Variants in MAP3K4 observed in about 807,000 individuals in gnomAD.
MAP3K4 encodes the protein MAP three kinase 1.
A neutral mutation model predicts 185.6 loss-of-function variants in MAP3K4; 67 were observed. The observed-to-expected ratio is 0.36, with a 90% CI of 0.30 to 0.44. The LOEUF (loss-of-function observed/expected upper bound fraction) is 0.44, where lower values mean the gene tolerates loss of function less well. MAP3K4 is among the 20% of genes least tolerant of loss of function. The pLI is 1.00. For missense variants in MAP3K4, 1,551 were observed against 1,995.1 expected, an observed-to-expected ratio of 0.78 and a Z score of 4.24; for synonymous variants, 702 against 710.4, an observed-to-expected ratio of 0.99 and a Z score of 0.19.
chr6:161,029,367 G>A (rs1389820632), intron 1 of MAP3K4, among the ~76,000 whole-genome samples: 1 of 152,166 alleles, frequency 6.6e-6, no homozygotes, highest in Non-Finnish European at 1.5e-5. Context: ...TACCTAATAT[G>A]TCAGAGCAGA....
rs376054327 is a variant in MAP3K4 at position 161,098,452 on chromosome 6, G to A, written c.3674+25G>A. 4.0e-5 allele frequency: 64 copies of A among 1,600,058 alleles called. No individual in the cohort carries two copies. The highest frequency in any genetic ancestry group is 1.7e-4 in the Middle Eastern group (1 of 6,030). On this transcript the variant is annotated intron_variant, in intron 17 of 26. Coordinates refer to ENST00000392142, the MANE Select transcript of MAP3K4 (RefSeq NM_005922.4). The surrounding 1 kb of genome is among the most constrained non-coding windows in gnomAD (Gnocchi z 4.4). ...GGTAGTCTCACCCCACCAGTGTCCC[G>A]TACCCTCACCACCCCTTACATGCGC...
Position 161,110,360 on chromosome 6 carries a change from T to C in MAP3K4, c.4396+446T>C, listed in dbSNP as rs1042777342. Among the ~76,000 whole-genome samples, 11 of 152,188 alleles carry C rather than the reference T, an allele frequency of 7.2e-5. No homozygotes were observed. The highest frequency in any genetic ancestry group is 1.0e-4 in the Non-Finnish European group (7 of 68,044). ...GTTTTTGAGACAAGAATGGGGTTTG[T>C]TTACACAAACCTTGAAATTGAGTTC... On this transcript the variant is annotated intron_variant, in intron 23 of 26. Transcript: ENST00000392142. This position sits in a 1 kb window ranked among gnomAD's most constrained non-coding sequence, Gnocchi z 4.8.
intron 1 of MAP3K4, among the ~76,000 whole-genome samples, chr6:160,995,576 A>C (rs1441583067): frequency 6.6e-6 from 1 of 152,250 alleles, no homozygotes; most frequent in Non-Finnish European, 1.5e-5. Context: ...ATAGTACTCT[A>C]TTCCAGTTTT....
chr6:161,012,579 C>T (rs1407159238), intron 1 of MAP3K4, among the ~76,000 whole-genome samples: 1 of 152,208 alleles, frequency 6.6e-6, no homozygotes, highest in East Asian at 1.9e-4. Flanking sequence ...TTACAACGAA[C>T]TTATAAAATA....
chr6:161,039,906 G>A (rs992923372), intron 2 of MAP3K4, among the ~76,000 whole-genome samples: 1 of 152,132 alleles, frequency 6.6e-6, no homozygotes, highest in African/African-American at 2.4e-5. Flanking sequence ...TCCCTATAGT[G>A]TGTTTCCATA....
Position 161,086,794 on chromosome 6 carries a change from G to A in MAP3K4, c.2556+127G>A. ...CTCTGAAGGCTGTACCACAACCCCAGTTGTAAGACTGTCCTGTAATTCACC... is the reference window on the plus strand; with the variant it reads ...CTCTGAAGGCTGTACCACAACCCCAATTGTAAGACTGTCCTGTAATTCACC... On this transcript the variant is annotated intron_variant, in intron 9 of 26. Coordinates refer to ENST00000392142, the MANE Select transcript of MAP3K4 (RefSeq NM_005922.4). The surrounding 1 kb of genome is among the most constrained non-coding windows in gnomAD (Gnocchi z 4.8). The A allele has an allele frequency of 1.5e-6, 1 of 651,826 alleles. No individual in the cohort carries two copies. The allele number at this position is 651,826 out of a possible 1,614,324, so 40.4% of individuals were successfully genotyped here.
rs754624294 is a variant in MAP3K4 at position 161,020,411 on chromosome 6, G to A, written c.153-13848G>A. 2.0e-5 allele frequency among the ~76,000 whole-genome samples: 3 copies of A among 152,062 alleles called. No individual in the cohort carries two copies. In the East Asian group the frequency reaches 5.8e-4, roughly 29 times the overall value. On this transcript the variant is annotated intron_variant, in intron 1 of 26. Coordinates refer to ENST00000392142, the MANE Select transcript of MAP3K4 (RefSeq NM_005922.4). Reference sequence around the variant, plus strand: ...ACAGTGGCTCACGCCTGTAATCCCAGCACTTTGGGAGGCCGAGGTGGGCAG... The same window carrying A: ...ACAGTGGCTCACGCCTGTAATCCCAACACTTTGGGAGGCCGAGGTGGGCAG...
rs1230464106 is a variant in MAP3K4 at position 161,061,282 on chromosome 6, A to G, written c.1708-9326A>G. 1.3e-5 allele frequency among the ~76,000 whole-genome samples: 2 copies of G among 152,222 alleles called. No individual in the cohort carries two copies. Among genetic ancestry groups the G allele is most frequent in the African/African-American group, 4.8e-5 (2 of 41,452 alleles). On this transcript the variant is annotated intron_variant, in intron 3 of 26. Transcript: ENST00000392142. The surrounding 1 kb of genome is among the most constrained non-coding windows in gnomAD (Gnocchi z 4.2). ...ATCATCTCAGTGTGATTACTGGAAA[A>G]CAGTTCAAGTTTTGTTTTTGACCAT...
rs1207022359 is a variant in MAP3K4, at chr6:161,051,432, C to T, written c.1707+1453C>T. On this transcript the variant is annotated intron_variant, in intron 3 of 26. Coordinates refer to ENST00000392142, the MANE Select transcript of MAP3K4 (RefSeq NM_005922.4). This position sits in a 1 kb window ranked among gnomAD's most constrained non-coding sequence, Gnocchi z 4.2. Reference sequence around the variant, plus strand: ...CATAAATTCAGGAAGATGTTTACAACATGAACCAGTGCTTTGTAGCTATAT... The same window carrying T: ...CATAAATTCAGGAAGATGTTTACAATATGAACCAGTGCTTTGTAGCTATAT... Among the ~76,000 whole-genome samples the T allele has an allele frequency of 1.3e-5, 2 of 152,182 alleles. No homozygotes were observed. The highest frequency in any genetic ancestry group is 3.9e-4 in the East Asian group (2 of 5,192).
chr6:161,087,984 G>A lies in MAP3K4; in HGVS notation c.2823+30G>A, dbSNP rs1785825283. 6.3e-7 allele frequency: 1 copy of A among 1,586,450 alleles called. No homozygotes were observed. The highest frequency in any genetic ancestry group is 8.5e-7 in the Non-Finnish European group (1 of 1,170,428). ...AGCTCATCTCCATCTTTGCAGCAGT[G>A]TTACTTCAAGGACTTTTAGTAAGAA... On this transcript the variant is annotated intron_variant, in intron 10 of 26. Coordinates refer to ENST00000392142, the MANE Select transcript of MAP3K4 (RefSeq NM_005922.4). This position sits in a 1 kb window ranked among gnomAD's most constrained non-coding sequence, Gnocchi z 4.9.
rs1368170041 is a variant in MAP3K4 at position 161,115,233 on chromosome 6, T to A, written c.4737T>A (p.Ser1579=). The change falls in exon 26 of 27, where the codon TCT becomes TCA. Residue 1579 remains serine, a synonymous_variant. Transcript: ENST00000392142. This position sits in a 1 kb window ranked among gnomAD's most constrained non-coding sequence, Gnocchi z 6.0. ...GCCCTGAAGGAAAGGACTTCCTTTC[T>A]CACTGCCTTGAGAGTGACCCAAAGA... ...RLSPEGKDFL[S]HCLESDPKMR... 1 of 1,614,062 alleles carries A rather than the reference T, an allele frequency of 6.2e-7. No individual in the cohort carries two copies. The highest frequency in any genetic ancestry group is 1.3e-5 in the African/African-American group (1 of 74,940).
At position 161,056,337 on chromosome 6, in the gene MAP3K4, C is replaced by T. The variant is rs564622307; in HGVS notation, c.1707+6358C>T. On this transcript the variant is annotated intron_variant, in intron 3 of 26. Coordinates refer to ENST00000392142, the MANE Select transcript of MAP3K4 (RefSeq NM_005922.4). The surrounding 1 kb of genome is among the most constrained non-coding windows in gnomAD (Gnocchi z 5.4). ...TGAAGATGTGGGCACTGGGTGTGTT[C>T]GGTGCTGTTGGGGTGTCATTGCTTT... 3.7e-4 allele frequency among the ~76,000 whole-genome samples: 57 copies of T among 152,200 alleles called. No homozygotes were observed. The highest frequency in any genetic ancestry group is 3.3e-3 in the South Asian group (16 of 4,816).
rs530615557 is a variant in MAP3K4 at position 161,053,166 on chromosome 6, A to G, written c.1707+3187A>G. Among the ~76,000 whole-genome samples the G allele has an allele frequency of 2.0e-5, 3 of 152,316 alleles. No homozygotes were observed. The highest frequency in any genetic ancestry group is 3.9e-4 in the East Asian group (2 of 5,190). ...GAGGCCTCAGGGAGCTATAGTCATGATGGAAGGCAAAGCCAGAGCAGGCAC... is the reference window on the plus strand; with the variant it reads ...GAGGCCTCAGGGAGCTATAGTCATGGTGGAAGGCAAAGCCAGAGCAGGCAC... On this transcript the variant is annotated intron_variant, in intron 3 of 26. Transcript: ENST00000392142. This position sits in a 1 kb window ranked among gnomAD's most constrained non-coding sequence, Gnocchi z 4.2.
intron 1 of MAP3K4, among the ~76,000 whole-genome samples, chr6:161,014,418 T>C (rs766245031): frequency 1.7e-4 from 26 of 152,238 alleles, no homozygotes; most frequent in Non-Finnish European, 3.4e-4. Flanking sequence ...AGTTTGTTAG[T>C]GCTTTTTCAA....
At position 161,088,137 on chromosome 6, in the gene MAP3K4, TGTTAA is replaced by T. The variant is rs937036671; in HGVS notation, c.2823+189_2823+193del. Among the ~76,000 whole-genome samples the T allele has an allele frequency of 1.1e-4, 16 of 152,322 alleles. No individual in the cohort carries two copies. Among genetic ancestry groups the T allele is most frequent in the East Asian group, 1.9e-4 (1 of 5,184 alleles). ...GCATAATTTGTACAATATATCATTC[TGTTAA>T]GTTAAATTATACTGGAATACTTGAA... On this transcript the variant is annotated intron_variant, in intron 10 of 26. Coordinates refer to ENST00000392142, the MANE Select transcript of MAP3K4 (RefSeq NM_005922.4). This position sits in a 1 kb window ranked among gnomAD's most constrained non-coding sequence, Gnocchi z 4.5.
intron 18 of MAP3K4, among the ~76,000 whole-genome samples, 164 bp from the exon 19 acceptor site, chr6:161,102,535 A>G (rs1232986547): frequency 1.3e-5 from 2 of 152,216 alleles, no homozygotes; most frequent in Non-Finnish European, 2.9e-5. Flanking sequence ...AATTTTTAGA[A>G]TTGATTGCAA....
chr6:161,018,233 T>C (rs1782206114), intron 1 of MAP3K4, among the ~76,000 whole-genome samples: 1 of 152,062 alleles, frequency 6.6e-6, no homozygotes, highest in Admixed American at 6.6e-5. Context: ...GAAGGAGTGA[T>C]CTAGAAAAAG....
In MAP3K4 at chr6:161,082,215, G is replaced by A. The variant is rs766840796; in HGVS notation, c.2255+1177G>A. Among the ~76,000 whole-genome samples, 13 of 151,804 alleles carry A rather than the reference G, an allele frequency of 8.6e-5. No individual in the cohort carries two copies. Among genetic ancestry groups the A allele is most frequent in the Non-Finnish European group, 1.6e-4 (11 of 67,996 alleles). On this transcript the variant is annotated intron_variant, in intron 6 of 26. Transcript: ENST00000392142. This position sits in a 1 kb window ranked among gnomAD's most constrained non-coding sequence, Gnocchi z 4.2. ...CTGTTCAGCTTGGTGCCCATAGTCA[G>A]CCTTTTTAAAAAAGGCATTCATTGT...
rs927608209 is a variant in MAP3K4, at chr6:161,084,422, T to C, written c.2256-79T>C. On this transcript the variant is annotated intron_variant, in intron 6 of 26. Coordinates refer to ENST00000392142, the MANE Select transcript of MAP3K4 (RefSeq NM_005922.4). The surrounding 1 kb of genome is among the most constrained non-coding windows in gnomAD (Gnocchi z 4.6). ...ACCATTAGAGCAGTAGCTGAGCCTT[T>C]CAAGTTTCTCAGTCAAGAATTAGGC... 15 of 746,520 alleles carry C rather than the reference T, an allele frequency of 2.0e-5. No individual in the cohort carries two copies. The East Asian group carries it at 2.7e-4, about 14-fold the overall frequency. The allele number at this position is 746,520 out of a possible 1,614,324, so 46.2% of individuals were successfully genotyped here. A position where few individuals can be genotyped will look rare whatever the true frequency, so the allele number is the denominator to read the frequency against.
Sources: gnomAD v4.1 joint callset for allele counts (sites outside exome capture counted in the v4.1 genomes callset) on GRCh38, gnomAD v4.1.1 for gene constraint, Gnocchi (gnomAD v3.1) non-coding constraint, MANE v1.5 for transcripts, NCBI Gene and HGNC (gene_info 2026-07-23, HGNC 2026-07-21) for gene names.